Variants in RNF213 observed in about 807,000 individuals in gnomAD.
RNF213 encodes E3 ubiquitin-protein ligase RNF213.
Under a neutral mutation model 514.4 loss-of-function variants are expected in RNF213, and 341 were observed. The observed-to-expected ratio is 0.66, with a 90% CI of 0.61 to 0.73. The LOEUF (loss-of-function observed/expected upper bound fraction) is 0.73. RNF213 is among the 30% of genes least tolerant of loss of function. The pLI is 0.00. For missense variants in RNF213, 5,767 were observed against 6,615.6 expected, an observed-to-expected ratio of 0.87 and a Z score of 4.45; for synonymous variants, 2,655 against 2,658.2, an observed-to-expected ratio of 1.00 and a Z score of 0.04.
rs137910853 is a variant in RNF213 at position 80,365,568 on chromosome 17, G to A, written c.11871+1015G>A. 1.8e-3 allele frequency among the ~76,000 whole-genome samples: 279 copies of A among 151,966 alleles called. 2 individuals are homozygous for A. The highest frequency in any genetic ancestry group is 1.7e-3 in the Non-Finnish European group (118 of 67,980). Reference sequence around the variant, plus strand: ...AGAGCCCAATCCCGGACACGCACACGCCACACCAGCTCGTGTCTCGTGGTC... The same window carrying A: ...AGAGCCCAATCCCGGACACGCACACACCACACCAGCTCGTGTCTCGTGGTC... On this transcript the variant is annotated intron_variant, in intron 42 of 67. Coordinates refer to ENST00000582970, the MANE Select transcript of RNF213 (RefSeq NM_001256071.3).
chr17:80,334,318 G>C, intron 22 of RNF213, 48 bp downstream of exon 22: 1 of 1,502,710 alleles, frequency 6.7e-7, no homozygotes, highest in Non-Finnish European at 8.9e-7. Context: ...AAAGTTTTCA[G>C]ATGGCGCACT....
rs758202246 is a variant in RNF213 at position 80,385,081 on chromosome 17, G to T, written c.14365G>T (p.Ala4789Ser). Residue 4789 changes from alanine (A) to serine (S), a missense_variant, in exon 60 of 68, where the codon GCC becomes TCC. Ala to Ser is a moderately conservative substitution (Grantham distance 99). Transcript: ENST00000582970. The stretch of plus-strand genomic sequence containing the variant: ...GGTAAAGTTCCTGCCTGAGATTTTG[G>T]CCTTGCAAAGGGATCTAGTGAAGCA... ...RLVKFLPEIL[A>S]LQRDLVKQFQ... 1.2e-6 allele frequency: 2 copies of T among 1,614,178 alleles called. No individual in the cohort carries two copies. Among genetic ancestry groups the T allele is most frequent in the South Asian group, 2.2e-5 (2 of 91,080 alleles).
intron 38 of RNF213, among the ~76,000 whole-genome samples, chr17:80,361,444 T>A (rs1230744968): frequency 6.6e-6 from 1 of 152,102 alleles, no homozygotes; most frequent in Non-Finnish European, 1.5e-5. Flanking sequence ...CACTTGAACC[T>A]GGGAGGCGGA....
chr17:80,269,468 TCATCTATTCTATC>T (rs2043734997), intron 2 of RNF213, among the ~76,000 whole-genome samples: 1 of 151,328 alleles, frequency 6.6e-6, no homozygotes, highest in African/African-American at 2.4e-5. Context: ...ATCCATCCAT[TCATCTATTCTATC>T]TATCCATCCA....
intron 18 of RNF213, among the ~76,000 whole-genome samples, chr17:80,326,005 C>G (rs997424005): frequency 2.0e-5 from 3 of 152,066 alleles, no homozygotes; most frequent in Admixed American, 1.3e-4. Flanking sequence ...CTCACCCAGG[C>G]TGGAGTGCAG....
chr17:80,311,249 C>T (rs1012258280), intron 14 of RNF213, among the ~76,000 whole-genome samples: 19 of 152,180 alleles, frequency 1.2e-4, no homozygotes, highest in African/African-American at 3.4e-4. Flanking sequence ...AGCAAAAATA[C>T]GTGACGCATG....
rs373736060 is a variant in RNF213, at chr17:80,363,099, C to A, written c.11356-3C>A. 7.4e-6 allele frequency: 12 copies of A among 1,613,140 alleles called. No individual in the cohort carries two copies. Among genetic ancestry groups the A allele is most frequent in the Non-Finnish European group, 8.5e-6 (10 of 1,179,302 alleles). The stretch of plus-strand genomic sequence containing the variant: ...ATATTCTAAAAGCTTTTTTGAATCC[C>A]AGTTTCTGCAGATGGCTCTGTGGTC... On this transcript the variant is annotated splice_region_variant and splice_polypyrimidine_tract_variant and intron_variant, in intron 39 of 67. Transcript: ENST00000582970.
In RNF213 at chr17:80,385,145, G is replaced by A. The variant is rs112735431; in HGVS notation, c.14429G>A (p.Arg4810Lys). 2.4e-4 allele frequency: 392 copies of A among 1,614,200 alleles called. 2 individuals are homozygous for A. The East Asian group carries it at 5.4e-3, about 22-fold the overall frequency. ...NVQQVEYSSI[R>K]GFLSKHSSDG... ...CAGCAAGTTGAATACAGCTCCATCAGAGGCTTCCTCAGCAAGCACAGCTCA... is the reference window on the plus strand; with the variant it reads ...CAGCAAGTTGAATACAGCTCCATCAAAGGCTTCCTCAGCAAGCACAGCTCA... The change falls in exon 60 of 68, where the codon AGA (arginine) becomes AAA (lysine). Residue 4810 changes from arginine (R) to lysine (K), a missense_variant. Arg to Lys is a conservative substitution (Grantham distance 26, BLOSUM62 2). This residue lies in a region of RNF213 where 1,245 missense variants were observed against 1,339.0 expected (regional missense o/e 0.93). Coordinates refer to ENST00000582970, the MANE Select transcript of RNF213 (RefSeq NM_001256071.3).
rs8082521 is a variant in RNF213, at chr17:80,328,357, C to A, written c.3397C>A (p.Gln1133Lys). ...AAAAAGTCTTTCACCCCAGGATGAACAATGTGCTGTGGAGGAAGCACTGGA... is the reference window on the plus strand; with the variant it reads ...AAAAAGTCTTTCACCCCAGGATGAAAAATGTGCTGTGGAGGAAGCACTGGA... ...REKSLSPQDE[Q>K]CAVEEALDWR... The change falls in exon 20 of 68, where the codon CAA (glutamine) becomes AAA (lysine). Residue 1133 changes from glutamine (Q) to lysine (K), a missense_variant. By Grantham distance (53) the Gln-to-Lys change is moderately conservative. This residue lies in a region of RNF213 where 516 missense variants were observed against 566.5 expected (regional missense o/e 0.91). Transcript: ENST00000582970. The A allele has an allele frequency of 0.66, 1,008,978 of 1,536,238 alleles. 337,983 individuals carry two copies. The highest frequency in any genetic ancestry group is 0.73 in the African/African-American group (52,990 of 73,046).
In RNF213 at chr17:80,350,159, G is replaced by T. The variant is rs1025623611; in HGVS notation, c.10089-142G>T. On this transcript the variant is annotated intron_variant, in intron 30 of 67. Transcript: ENST00000582970. ...AGGCATTCCTTGGGTTTCCTCCCCT[G>T]GACTATCTGTTCTTACTGAAGAAAA... 1.4e-5 allele frequency: 11 copies of T among 760,752 alleles called. No individual in the cohort carries two copies. In the Admixed American group the frequency reaches 2.2e-4, roughly 16 times the overall value. 47.1% of individuals were successfully genotyped at this position (760,752 alleles called of 1,614,324 possible).
intron 14 of RNF213, 97 bp downstream of exon 14, chr17:80,309,268 T>A: frequency 7.1e-7 from 1 of 1,409,292 alleles, no homozygotes; most frequent in Non-Finnish European, 1.0e-6. Flanking sequence ...TCCCGGGTGC[T>A]GGGATGAGAT....
At chr17:80,378,717 A>C (rs989510795) in intron 54 of RNF213, among the ~76,000 whole-genome samples, 1 of 152,174 alleles carries the variant, frequency 6.6e-6, no homozygotes, top group African/African-American at 2.4e-5. Context: ...TGTCCATGAA[A>C]TGAGGACGCT....
intron 38 of RNF213, among the ~76,000 whole-genome samples, chr17:80,360,658 G>A (rs1392338107): frequency 6.6e-6 from 1 of 152,172 alleles, no homozygotes; most frequent in African/African-American, 2.4e-5. Context: ...CCCATCAGGA[G>A]GCACCTCCCA....
In RNF213 at chr17:80,364,514, A is replaced by G; in HGVS notation, c.11832A>G (p.Leu3944=). 1 of 1,614,154 alleles carries G rather than the reference A, an allele frequency of 6.2e-7. No homozygotes were observed. The highest frequency in any genetic ancestry group is 8.5e-7 in the Non-Finnish European group (1 of 1,180,024). Residue 3944 remains leucine, a synonymous_variant, in exon 42 of 68, where the codon TTA becomes TTG. Transcript: ENST00000582970. ...LLGTESRVPE[L]QGLVTEHVFL... is the part of the protein sequence containing the mutation. ...GAACCGAGAGCCGCGTCCCCGAGTT[A>G]CAGGGGCTGGTGACCGAGCACGTCT...
In RNF213 at chr17:80,288,162, G is replaced by C. The variant is rs74003706; in HGVS notation, c.609G>C (p.Glu203Asp). ...AATTCCAGGACCACACGGAAGGGGA[G>C]GACCAGGACGCTTCCATCCCCTCTG... The part of the protein sequence containing the change: ...SPQFQDHTEG[E>D]DQDASIPSGG... The change falls in exon 4 of 68, where the codon GAG (glutamate) becomes GAC (aspartate). Residue 203 changes from glutamate (E) to aspartate (D), a missense_variant. Glu to Asp is a conservative substitution (Grantham distance 45, BLOSUM62 2). Transcript: ENST00000582970. The surrounding 1 kb of genome is among the most constrained non-coding windows in gnomAD (Gnocchi z 4.9). 5,323 of 1,611,130 alleles carry C rather than the reference G, an allele frequency of 3.3e-3. 140 individuals are homozygous for C. In the African/African-American group the frequency reaches 0.059, roughly 18 times the overall value.
chr17:80,279,631 CT>C (rs1363205060), intron 3 of RNF213, among the ~76,000 whole-genome samples: 10 of 151,548 alleles, frequency 6.6e-5, no homozygotes, highest in Non-Finnish European at 1.2e-4. Context: ...CGCCCGGCTA[CT>C]TTTTTTGTGT....
At chr17:80,281,550 C>CA (rs2044291137) in intron 3 of RNF213, among the ~76,000 whole-genome samples, 1 of 53,426 alleles carries the variant, frequency 1.9e-5, no homozygotes. Context: ...CACTCACACA[C>CA]CCCCCAAGAC....
At chr17:80,302,520 T>C (rs749623272) in intron 11 of RNF213, among the ~76,000 whole-genome samples, 1 of 152,182 alleles carries the variant, frequency 6.6e-6, no homozygotes, top group African/African-American at 2.4e-5. Flanking sequence ...AATATAACAC[T>C]GTTCCCCATA....
rs1309528995 is a variant in RNF213, at chr17:80,397,906, T to A, written c.*4408T>A. ...CTCCAGCCAGCTTGAGCGACATGGATCCTGAGAGCGCTCTCAGGCAGGCAA... is the reference window on the plus strand; with the variant it reads ...CTCCAGCCAGCTTGAGCGACATGGAACCTGAGAGCGCTCTCAGGCAGGCAA... On this transcript the variant is annotated 3_prime_UTR_variant, in exon 68 of 68. Coordinates refer to ENST00000582970, the MANE Select transcript of RNF213 (RefSeq NM_001256071.3). The A allele has an allele frequency of 6.9e-6, 1 of 145,070 alleles. No homozygotes were observed. The highest frequency in any genetic ancestry group is 1.5e-5 in the Non-Finnish European group (1 of 66,692). The allele number at this position is 145,070 out of a possible 1,614,324, so 9.0% of individuals were successfully genotyped here.
Sources: gnomAD v4.1 joint callset for allele counts (sites outside exome capture counted in the v4.1 genomes callset) on GRCh38, gnomAD v4.1.1 for gene constraint, gnomAD v4.1.1 regional missense constraint, Gnocchi (gnomAD v3.1) non-coding constraint, MANE v1.5 for transcripts, NCBI Gene and HGNC (gene_info 2026-07-23, HGNC 2026-07-21) for gene names.